ARHGEF26: variants seen among roughly 807,000 people sequenced by gnomAD.
The protein encoded by ARHGEF26 is Rho guanine nucleotide exchange factor 26, also known as Rho guanine nucleotide exchange factor (GEF) 26.
Under a neutral mutation model 89.4 loss-of-function variants are expected in ARHGEF26, and 59 were observed. The observed-to-expected ratio is 0.66, with a 90% confidence interval of 0.54 to 0.82. The LOEUF (loss-of-function observed/expected upper bound fraction) is 0.82. Among genes scored for constraint, ARHGEF26 ranks in the 40% least tolerant of loss-of-function variants. The probability of loss-of-function intolerance (pLI) is 0.00; values close to 1 mark genes in which losing one functional copy is unlikely to be tolerated. For synonymous variants in ARHGEF26, 500 were observed against 428.4 expected (o/e 1.17, Z -2.06); for missense variants, 1,234 against 1,085.6 (o/e 1.14, Z -1.92).
chr3:154,126,224 A>G lies in ARHGEF26; in HGVS notation c.1123+1775A>G, dbSNP rs960576574. On this transcript the variant is annotated intron_variant, in intron 3 of 14. Transcript: ENST00000465093. ...TTACTTTAGTCATAGTGCATACAGA[A>G]TATTCTGTAGTTGATGAGAAAAGGG... 9.2e-5 allele frequency among the ~76,000 whole-genome samples: 14 copies of G among 152,182 alleles called. 1 individual carries two copies. Among genetic ancestry groups the G allele is most frequent in the African/African-American group, 2.4e-4 (10 of 41,432 alleles).
intron 4 of ARHGEF26, among the ~76,000 whole-genome samples, chr3:154,133,261 C>T (rs558993468): frequency 1.3e-5 from 2 of 152,164 alleles, no homozygotes; most frequent in Non-Finnish European, 1.5e-5. Context: ...AGGCAGTGTT[C>T]AGCTATACAG....
chr3:154,135,612 A>C (rs1462219265), intron 4 of ARHGEF26, among the ~76,000 whole-genome samples: 1 of 152,194 alleles, frequency 6.6e-6, no homozygotes, highest in Non-Finnish European at 1.5e-5. Context: ...GCCTCACCCA[A>C]AACAGCAGCA....
At chr3:154,126,970 G>T (rs910786573) in intron 3 of ARHGEF26, among the ~76,000 whole-genome samples, 8 of 152,128 alleles carry the variant, frequency 5.3e-5, no homozygotes, top group African/African-American at 1.9e-4. Flanking sequence ...GTAACACAAT[G>T]ATATTTGTGT....
intron 10 of ARHGEF26, among the ~76,000 whole-genome samples, chr3:154,222,889 G>A (rs567446999): frequency 6.6e-6 from 1 of 152,134 alleles, no homozygotes; most frequent in East Asian, 1.9e-4. Context: ...GCTGAAAACA[G>A]GGTGTTGAAG....
At position 154,125,586 on chromosome 3, in the gene ARHGEF26, A is replaced by T. The variant is rs541432837; in HGVS notation, c.1123+1137A>T. On this transcript the variant is annotated intron_variant, in intron 3 of 14. Transcript: ENST00000465093. ...AGTGAACAGCATCTACCTAATATTT[A>T]CCTAAGGAGATGCTTTACATTCCCT... Among the ~76,000 whole-genome samples, 3 of 152,218 alleles carry T rather than the reference A, an allele frequency of 2.0e-5. No individual in the cohort carries two copies. The South Asian group carries it at 6.2e-4, about 32-fold the overall frequency.
rs35181733 is a variant in ARHGEF26, at chr3:154,208,763, A to ATTT, written c.1846-9088_1846-9086dup. 5.8e-4 allele frequency among the ~76,000 whole-genome samples: 62 copies of ATTT among 107,364 alleles called. 2 individuals are homozygous for ATTT. The highest frequency in any genetic ancestry group is 1.7e-3 in the African/African-American group (47 of 26,948). 70.4% of individuals were successfully genotyped at this position (107,364 alleles called of 152,430 possible). On this transcript the variant is annotated intron_variant, in intron 9 of 14. Transcript: ENST00000465093. The stretch of plus-strand genomic sequence containing the variant: ...GTGCAGTATTCAGTATGCCAATTGC[A>ATTT]TTTTTTTTTTTTTTTTTTTTGAGAT...
chr3:154,202,676 G>A (rs970336599), intron 9 of ARHGEF26, among the ~76,000 whole-genome samples: 13 of 151,646 alleles, frequency 8.6e-5, no homozygotes, highest in South Asian at 4.2e-4. Flanking sequence ...CTTTTATTTC[G>A]TTGAGCAGTG....
At chr3:154,196,511 A>G (rs945750513) in intron 9 of ARHGEF26, among the ~76,000 whole-genome samples, 5 of 152,144 alleles carry the variant, frequency 3.3e-5, no homozygotes, top group Admixed American at 6.5e-5. Flanking sequence ...ACATCGAGTC[A>G]CCATTTTACT....
At chr3:154,222,241 G>A (rs1716178731) in intron 10 of ARHGEF26, among the ~76,000 whole-genome samples, 1 of 152,156 alleles carries the variant, frequency 6.6e-6, no homozygotes, top group Admixed American at 6.5e-5. Flanking sequence ...TGTAGGGCAT[G>A]TGTGTGTGTT....
At chr3:154,241,480 C>T (rs575780002) in intron 12 of ARHGEF26, among the ~76,000 whole-genome samples, 5 of 152,336 alleles carry the variant, frequency 3.3e-5, no homozygotes, top group South Asian at 4.1e-4. Flanking sequence ...AAAGAGGTAT[C>T]TTCACCTTAA....
At chr3:154,237,057 G>A (rs2108277141) in intron 11 of ARHGEF26, among the ~76,000 whole-genome samples, 1 of 152,248 alleles carries the variant, frequency 6.6e-6, no homozygotes, top group African/African-American at 2.4e-5. Context: ...CTGTGATTAG[G>A]GCAGCCACAG....
In ARHGEF26 at chr3:154,122,431, C is replaced by G. The variant is rs777289460; in HGVS notation, c.439C>G (p.Pro147Ala). 1.2e-6 allele frequency: 2 copies of G among 1,611,340 alleles called. No homozygotes were observed. Among genetic ancestry groups the G allele is most frequent in the East Asian group, 2.2e-5 (1 of 44,816 alleles). The change falls in exon 2 of 15, where the codon CCG becomes GCG. Residue 147 changes from proline (P) to alanine (A), a missense_variant. Physicochemically the swap from Pro to Ala is conservative, Grantham distance 27. Transcript: ENST00000465093. ...GCCGCCGCCGCCGGTTCTGCGCCCC[C>G]CGCGGACTCCTAACGCGCCCGCCCC... ...APPPPPVLRP[P>A]RTPNAPAPCT...
Position 154,191,405 on chromosome 3 carries a change from C to T in ARHGEF26, c.1757C>T (p.Pro586Leu). The change falls in exon 8 of 15, where the codon CCC (proline) becomes CTC (leucine). Residue 586 changes from proline (P) to leucine (L), a missense_variant. Transcript: ENST00000465093. ...CCCATGCAGAGGGTGACCCGCCTTCCCCTGCTGATGGATGTAAGACATGAC... is the reference window on the plus strand; with the variant it reads ...CCCATGCAGAGGGTGACCCGCCTTCTCCTGCTGATGGATGTAAGACATGAC... The part of the protein sequence containing the change: ...ILPMQRVTRL[P>L]LLMDTICQKT... 6.2e-7 allele frequency: 1 copy of T among 1,613,704 alleles called. No homozygotes were observed. The highest frequency in any genetic ancestry group is 2.2e-5 in the East Asian group (1 of 44,868).
chr3:154,252,730 G>C (rs1487994924), intron 12 of ARHGEF26, among the ~76,000 whole-genome samples: 1 of 152,194 alleles, frequency 6.6e-6, no homozygotes, highest in Non-Finnish European at 1.5e-5. Context: ...GGAGGAAGCA[G>C]AGAAATTAGT....
intron 7 of ARHGEF26, among the ~76,000 whole-genome samples, chr3:154,190,047 A>G (rs888138938): frequency 6.6e-6 from 1 of 152,078 alleles, no homozygotes; most frequent in Non-Finnish European, 1.5e-5. Flanking sequence ...AATGACTGCT[A>G]TTGTCACTAT....
At chr3:154,137,091 C>A (rs922739777) in intron 4 of ARHGEF26, among the ~76,000 whole-genome samples, 1 of 152,158 alleles carries the variant, frequency 6.6e-6, no homozygotes, top group Non-Finnish European at 1.5e-5. Flanking sequence ...TTTTTCCCCT[C>A]CAAAACTCAT....
chr3:154,245,034 T>G (rs1461487263), intron 12 of ARHGEF26, among the ~76,000 whole-genome samples: 2 of 152,158 alleles, frequency 1.3e-5, no homozygotes, highest in Non-Finnish European at 2.9e-5. Context: ...TTATTTTTTA[T>G]TTTATTTTAT....
At position 154,209,701 on chromosome 3, in the gene ARHGEF26, T is replaced by C. The variant is rs902083413; in HGVS notation, c.1846-8168T>C. ...CACTATGATTGCGCCGGGTAAGACC[T>C]GAGGCCAGCACAGTGCTGGATCTCG... On this transcript the variant is annotated intron_variant, in intron 9 of 14. Coordinates refer to ENST00000465093, the MANE Select transcript of ARHGEF26 (RefSeq NM_015595.4). Among the ~76,000 whole-genome samples, 17 of 152,312 alleles carry C rather than the reference T, an allele frequency of 1.1e-4. No homozygotes were observed. The East Asian group carries it at 2.3e-3, about 21-fold the overall frequency.
chr3:154,191,282 C>G lies in ARHGEF26; in HGVS notation c.1641-7C>G. 1 of 1,602,132 alleles carries G rather than the reference C, an allele frequency of 6.2e-7. No homozygotes were observed. Among genetic ancestry groups the G allele is most frequent in the Non-Finnish European group, 8.5e-7 (1 of 1,174,920 alleles). ...TTGAAGTTTCTCTTTTCTTTGTTTT[C>G]CCTCAGAGCTACCAATCCATCCTTT... On this transcript the variant is annotated splice_polypyrimidine_tract_variant and splice_region_variant and intron_variant, in intron 7 of 14. Transcript: ENST00000465093.
Sources: gnomAD v4.1 joint callset for allele counts (sites outside exome capture counted in the v4.1 genomes callset) on GRCh38, gnomAD v4.1.1 for gene constraint, MANE v1.5 for transcripts, NCBI Gene and HGNC (gene_info 2026-07-23, HGNC 2026-07-21) for gene names.